SCGB2B2: variants seen among roughly 807,000 people sequenced by gnomAD.
SCGB2B2 encodes the protein secretoglobin-like protein.
Under a neutral mutation model 7.6 loss-of-function variants are expected in SCGB2B2, and 11 were observed. The observed-to-expected ratio is 1.45, with a 90% CI of 0.91 to 2.40. SCGB2B2 has a LOEUF of 2.40. Among genes scored for constraint, SCGB2B2 ranks in the 30% most tolerant of loss-of-function variants. SCGB2B2 has a pLI of 0.00. For missense variants in SCGB2B2, 104 were observed against 115.4 expected (o/e 0.90, Z 0.45); for synonymous variants, 50 against 48.6 (o/e 1.03, Z -0.12).
At chr19:34,617,049 C>T (rs2066103888) in intron 1 of SCGB2B2, among the ~76,000 whole-genome samples, 1 of 152,164 alleles carries the variant, frequency 6.6e-6, no homozygotes, top group Admixed American at 6.5e-5. Flanking sequence ...ATCTATATCT[C>T]TGTTTTGGTA....
rs778356331 is a variant in SCGB2B2 at position 34,594,292 on chromosome 19, CAGG to C, written c.126_128del (p.Leu43del). 2 of 1,613,988 alleles carry C rather than the reference CAGG, an allele frequency of 1.2e-6. No homozygotes were observed. The highest frequency in any genetic ancestry group is 2.2e-5 in the South Asian group (2 of 91,086). On this transcript the variant is annotated inframe_deletion, in exon 3 of 4. Coordinates refer to ENST00000601241, the MANE Select transcript of SCGB2B2 (RefSeq NM_001025591.4). Reference sequence around the variant, plus strand: ...GGTTGTAACGAGCAAGCTCCTCCTTCAGGAGGTCTTGGGACACATCAAACACAA... The same window carrying C: ...GGTTGTAACGAGCAAGCTCCTCCTTCAGGTCTTGGGACACATCAAACACAA...
At position 34,675,997 on chromosome 19, in the gene SCGB2B2, C is replaced by G. The variant is rs909921333; in HGVS notation, c.-2399G>C. 1.3e-5 allele frequency: 2 copies of G among 152,198 alleles called. No individual in the cohort carries two copies. Among genetic ancestry groups the G allele is most frequent in the Non-Finnish European group, 2.9e-5 (2 of 68,054 alleles). The allele number at this position is 152,198 out of a possible 1,614,324, so 9.4% of individuals were successfully genotyped here. On this transcript the variant is annotated 5_prime_UTR_variant, in exon 1 of 4. Transcript: ENST00000601241. ...AGTGCAGACCCAAAGAGCAAAAGAACAAACATCCCACACCTGGGAAGTAGA... is the reference window on the plus strand; with the variant it reads ...AGTGCAGACCCAAAGAGCAAAAGAAGAAACATCCCACACCTGGGAAGTAGA...
chr19:34,617,662 C>CTGAA (rs2066122047), intron 1 of SCGB2B2, among the ~76,000 whole-genome samples: 1 of 152,158 alleles, frequency 6.6e-6, no homozygotes, highest in Non-Finnish European at 1.5e-5. Context: ...CTTTTCCTAA[C>CTGAA]TGAATACCCT....
intron 1 of SCGB2B2, among the ~76,000 whole-genome samples, chr19:34,641,070 C>T (rs1209039383): frequency 7.8e-6 from 1 of 128,426 alleles, no homozygotes; most frequent in Non-Finnish European, 1.7e-5. Flanking sequence ...TACTTAATCA[C>T]CATCACACCC....
intron 1 of SCGB2B2, chr19:34,635,078 C>A: frequency 3.4e-6 from 1 of 295,758 alleles, no homozygotes; most frequent in South Asian, 4.2e-5. Flanking sequence ...AAGCATTTCC[C>A]ACATTCACTA....
At position 34,592,206 on chromosome 19, in the gene SCGB2B2, T is replaced by G. The variant is rs918043872; in HGVS notation, c.*1349A>C. On this transcript the variant is annotated 3_prime_UTR_variant, in exon 4 of 4. Coordinates refer to ENST00000601241, the MANE Select transcript of SCGB2B2 (RefSeq NM_001025591.4). ...GAAAGGGCATTTTGGGCAGTGGGAG[T>G]GAGGGAGGAGAAGAATGTTGAAAGG... Among the ~76,000 whole-genome samples, 1 of 149,428 alleles carries G rather than the reference T, an allele frequency of 6.7e-6. No homozygotes were observed. Among genetic ancestry groups the G allele is most frequent in the African/African-American group, 2.5e-5 (1 of 40,320 alleles).
intron 1 of SCGB2B2, among the ~76,000 whole-genome samples, chr19:34,601,575 CCTG>C (rs1482748025): frequency 6.6e-6 from 1 of 152,136 alleles, no homozygotes; most frequent in African/African-American, 2.4e-5. Flanking sequence ...TTCCAGGGCA[CCTG>C]CTATTTTAAT....
intron 1 of SCGB2B2, among the ~76,000 whole-genome samples, chr19:34,655,130 T>G (rs2067249805): frequency 1.3e-5 from 2 of 151,402 alleles, no homozygotes; most frequent in South Asian, 4.1e-4. Flanking sequence ...CCCAACCATC[T>G]GAATGGACCC....
At chr19:34,661,957 G>A (rs1045564337) in intron 1 of SCGB2B2, among the ~76,000 whole-genome samples, 1 of 151,774 alleles carries the variant, frequency 6.6e-6, no homozygotes, top group African/African-American at 2.4e-5. Context: ...TCGGCTCATC[G>A]TAACCTCTGC....
At chr19:34,665,221 G>A (rs2067582089) in intron 1 of SCGB2B2, among the ~76,000 whole-genome samples, 1 of 152,200 alleles carries the variant, frequency 6.6e-6, no homozygotes, top group African/African-American at 2.4e-5. Flanking sequence ...TGCATCTGTT[G>A]TCCAGAGCCC....
intron 1 of SCGB2B2, among the ~76,000 whole-genome samples, chr19:34,672,636 T>G (rs1263392812): frequency 6.6e-6 from 1 of 152,198 alleles, no homozygotes; most frequent in Non-Finnish European, 1.5e-5. Flanking sequence ...AAATTCCTCA[T>G]AGTCCCAAGG....
intron 1 of SCGB2B2, among the ~76,000 whole-genome samples, chr19:34,667,249 A>G (rs557629498): frequency 6.6e-6 from 1 of 151,996 alleles, no homozygotes; most frequent in Non-Finnish European, 1.5e-5. Context: ...TCTGATACTC[A>G]ACCTCTGCTG....
chr19:34,637,878 G>A (rs752944276), intron 1 of SCGB2B2: 1 of 152,204 alleles, frequency 6.6e-6, no homozygotes, highest in African/African-American at 2.4e-5. Context: ...TGGCATATCA[G>A]TATGTTCTCT....
In SCGB2B2 at chr19:34,594,568, G is replaced by GC. The variant is rs2065391064; in HGVS notation, c.-6dup. On this transcript the variant is annotated 5_prime_UTR_variant, in exon 2 of 4. Transcript: ENST00000601241. ...GGTGGCGGATGTCACCCTCATGACA[G>GC]CGGAGTCTGGTCCCAGCAGGCACAG... The GC allele has an allele frequency of 6.2e-7, 1 of 1,612,348 alleles. No homozygotes were observed. Among genetic ancestry groups the GC allele is most frequent in the Non-Finnish European group, 8.5e-7 (1 of 1,179,838 alleles).
chr19:34,624,207 G>A (rs534488695), intron 1 of SCGB2B2, among the ~76,000 whole-genome samples: 2 of 152,276 alleles, frequency 1.3e-5, no homozygotes, highest in Non-Finnish European at 1.5e-5. Flanking sequence ...AATACAATTT[G>A]TCTCATGGAG....
chr19:34,631,455 A>G (rs2066533074), intron 1 of SCGB2B2, among the ~76,000 whole-genome samples: 1 of 152,158 alleles, frequency 6.6e-6, no homozygotes, highest in South Asian at 2.1e-4. Flanking sequence ...TAGATAATGA[A>G]TATTTCTATA....
chr19:34,602,777 G>A (rs2065666555), intron 1 of SCGB2B2, among the ~76,000 whole-genome samples: 1 of 152,002 alleles, frequency 6.6e-6, no homozygotes, highest in Admixed American at 6.5e-5. Flanking sequence ...TAGATATTTC[G>A]CTTTTGCTAG....
At chr19:34,608,184 G>GTTTA (rs1413676251) in intron 1 of SCGB2B2, among the ~76,000 whole-genome samples, 7 of 151,986 alleles carry the variant, frequency 4.6e-5, no homozygotes, top group Non-Finnish European at 7.4e-5. Flanking sequence ...CTTTGGCTAA[G>GTTTA]TTTATTTTCA....
intron 1 of SCGB2B2, chr19:34,632,787 T>C (rs1243853591): frequency 6.6e-6 from 1 of 152,266 alleles, no homozygotes; most frequent in Non-Finnish European, 1.5e-5. Flanking sequence ...TTGCTGGCTC[T>C]GGAGAGACTG....
Sources: allele counts gnomAD v4.1 joint callset (sites outside exome capture counted in the v4.1 genomes callset), GRCh38; gene constraint gnomAD v4.1.1; transcripts MANE v1.5; gene names NCBI Gene and HGNC (gene_info 2026-07-23, HGNC 2026-07-21).